Variants in SERPINB12 observed in about 807,000 individuals in gnomAD.
SERPINB12 encodes the protein serpin B12.
A neutral mutation model predicts 41.1 loss-of-function variants in SERPINB12; 57 were observed. The ratio of observed to expected loss-of-function variants is 1.39; its 90% CI spans 1.12 to 1.73. The LOEUF is 1.73. Ranked by LOEUF, SERPINB12 falls within the 40% of genes most tolerant of loss-of-function variation. The probability of loss-of-function intolerance (pLI) is 0.00; values close to 1 mark genes in which losing one functional copy is unlikely to be tolerated. For synonymous variants in SERPINB12, 180 were observed against 181.3 expected, an observed-to-expected ratio of 0.99 and a Z score of 0.06; for missense variants, 536 against 501.9, an observed-to-expected ratio of 1.07 and a Z score of -0.65.
At chr18:63,531,206 T>C in the SERPINB12 span, among the ~76,000 whole-genome samples, 5 of 152,170 alleles carry the variant, frequency 3.3e-5, no homozygotes, top group Non-Finnish European at 7.3e-5. Context: ...AGAGTTCACT[T>C]GGGTCATTTA....
chr18:63,540,627 T>G (rs1181807397), upstream of SERPINB12, among the ~76,000 whole-genome samples: 2 of 152,290 alleles, frequency 1.3e-5, no homozygotes, highest in East Asian at 3.9e-4. Flanking sequence ...AAATTCAACA[T>G]GATGCATTCA....
chr18:63,545,003 T>A (rs1180333103), intron 1 of SERPINB12, among the ~76,000 whole-genome samples: 1 of 152,152 alleles, frequency 6.6e-6, no homozygotes, highest in East Asian at 1.9e-4. Context: ...ATTAATCATA[T>A]CATTTTGCAT....
At chr18:63,534,648 A>G in the SERPINB12 span, among the ~76,000 whole-genome samples, 2 of 152,122 alleles carry the variant, frequency 1.3e-5, no homozygotes, top group Non-Finnish European at 2.9e-5. Flanking sequence ...GATGTTTAGG[A>G]GAAACCGGAT....
At position 63,550,811 on chromosome 18, in the gene SERPINB12, A is replaced by G. The variant is rs534922981; in HGVS notation, c.-18-5331A>G. 4.6e-5 allele frequency among the ~76,000 whole-genome samples: 7 copies of G among 152,160 alleles called. No individual in the cohort carries two copies. In the South Asian group the frequency reaches 1.5e-3, roughly 32 times the overall value. On this transcript the variant is annotated intron_variant, in intron 1 of 7. Transcript: ENST00000382768. ...AATCAGCAAACATTGTGAATCATGG[A>G]TTTTTGTTGACTTTTGTGTTTTGGG...
At chr18:63,542,591 T>C (rs1910295375) in intron 1 of SERPINB12, among the ~76,000 whole-genome samples, 99 bp downstream of exon 1, 1 of 152,194 alleles carries the variant, frequency 6.6e-6, no homozygotes, top group Non-Finnish European at 1.5e-5. Flanking sequence ...TCTTCATTCT[T>C]GGGATCAGAG....
In SERPINB12 at chr18:63,567,031, A is replaced by T; in HGVS notation, c.*20A>T. On this transcript the variant is annotated 3_prime_UTR_variant, in exon 8 of 8. Coordinates refer to ENST00000382768, the MANE Select transcript of SERPINB12 (RefSeq NM_001307928.2). ...CCTTAAAAGGGGAGCAGTGTCTAGT[A>T]CTTTGGAGCTGGAGGAAAATATCAA... is the stretch of plus-strand genomic sequence containing the variant. 1 of 1,530,506 alleles carries T rather than the reference A, an allele frequency of 6.5e-7. No individual in the cohort carries two copies. Among genetic ancestry groups the T allele is most frequent in the East Asian group, 2.3e-5 (1 of 44,098 alleles). 94.8% of individuals were successfully genotyped at this position (1,530,506 alleles called of 1,614,324 possible).
chr18:63,542,396 G>T lies in SERPINB12; in HGVS notation c.-115G>T, dbSNP rs1006697922. 2.0e-5 allele frequency among the ~76,000 whole-genome samples: 3 copies of T among 152,200 alleles called. No homozygotes were observed. Among genetic ancestry groups the T allele is most frequent in the African/African-American group, 7.2e-5 (3 of 41,458 alleles). Reference sequence around the variant, plus strand: ...CTCTCCTTATAAGTTTTCACAGGCTGTAGGACTTGCCTGGTTCCTCCTCTG... The same window carrying T: ...CTCTCCTTATAAGTTTTCACAGGCTTTAGGACTTGCCTGGTTCCTCCTCTG... On this transcript the variant is annotated 5_prime_UTR_variant, in exon 1 of 8. Coordinates refer to ENST00000382768, the MANE Select transcript of SERPINB12 (RefSeq NM_001307928.2).
At chr18:63,550,741 C>A (rs1472381623) in intron 1 of SERPINB12, among the ~76,000 whole-genome samples, 6 of 152,128 alleles carry the variant, frequency 3.9e-5, no homozygotes. Context: ...TGGTGTCTTG[C>A]TGGCAGTTTG....
At position 63,558,478 on chromosome 18, in the gene SERPINB12, G is replaced by C. The variant is rs760107446; in HGVS notation, c.295G>C (p.Asp99His). 2 of 1,610,434 alleles carry C rather than the reference G, an allele frequency of 1.2e-6. No homozygotes were observed. The highest frequency in any genetic ancestry group is 3.4e-5 in the Admixed American group (2 of 59,086). ...GCAGAAAAAAACGACAGAGCCTCTGGATCAGCAGGTGAACCGCCACCGTAG... is the reference window on the plus strand; with the variant it reads ...GCAGAAAAAAACGACAGAGCCTCTGCATCAGCAGGTGAACCGCCACCGTAG... ...EGQKKTTEPL[D>H]QQAGSLNNES... Residue 99 changes from aspartate (D) to histidine (H), a missense_variant, in exon 3 of 8, where the codon GAT becomes CAT. Transcript: ENST00000382768.
chr18:63,527,792 C>G, the SERPINB12 span, among the ~76,000 whole-genome samples: 1 of 152,054 alleles, frequency 6.6e-6, no homozygotes, highest in East Asian at 1.9e-4. Flanking sequence ...TAAAATTACT[C>G]AAGTAGAATC....
rs367886726 is a variant in SERPINB12, at chr18:63,561,219, G to A, written c.562+17G>A. 8 of 1,453,638 alleles carry A rather than the reference G, an allele frequency of 5.5e-6. No homozygotes were observed. The highest frequency in any genetic ancestry group is 7.7e-6 in the Non-Finnish European group (8 of 1,036,050). The allele number at this position is 1,453,638 out of a possible 1,614,324, so 90.0% of individuals were successfully genotyped here. A position where few individuals can be genotyped will look rare whatever the true frequency, so the allele number is the denominator to read the frequency against. On this transcript the variant is annotated intron_variant, in intron 5 of 7. Transcript: ENST00000382768. ...AATCCCAAGGTAAGAAAGCCCAAAA[G>A]CACGGGAGCTGGTATTGGTTTCCAT...
In SERPINB12 at chr18:63,565,619, C is replaced by G; in HGVS notation, c.873+7C>G. The G allele has an allele frequency of 6.2e-7, 1 of 1,604,944 alleles. No homozygotes were observed. The highest frequency in any genetic ancestry group is 2.2e-5 in the East Asian group (1 of 44,736). On this transcript the variant is annotated splice_region_variant and intron_variant, in intron 7 of 7. Transcript: ENST00000382768. ...CCTGAAGGGTCTGGAAGAGGTAAAT[C>G]TTCATTTCCACATCTCTACAAAATA...
At chr18:63,521,394 C>A in the SERPINB12 span, among the ~76,000 whole-genome samples, 1 of 152,184 alleles carries the variant, frequency 6.6e-6, no homozygotes, top group African/African-American at 2.4e-5. Context: ...CTGATCTGAT[C>A]CTCTGTTGGA....
At position 63,559,720 on chromosome 18, in the gene SERPINB12, T is replaced by A. The variant is rs766919135; in HGVS notation, c.444+2T>A. 6.2e-7 allele frequency: 1 copy of A among 1,613,924 alleles called. No homozygotes were observed. The highest frequency in any genetic ancestry group is 8.5e-7 in the Non-Finnish European group (1 of 1,179,902). Reference sequence around the variant, plus strand: ...GAGCAGGAATTCCCAATCTGTCAGGTGAGTTGCACACGAATGGTGACTAAA... The same window carrying A: ...GAGCAGGAATTCCCAATCTGTCAGGAGAGTTGCACACGAATGGTGACTAAA... On this transcript the variant is annotated splice_donor_variant, in intron 4 of 7. Coordinates refer to ENST00000382768, the MANE Select transcript of SERPINB12 (RefSeq NM_001307928.2). LOFTEE classifies it high-confidence loss of function.
At chr18:63,534,000 G>A in the SERPINB12 span, among the ~76,000 whole-genome samples, 1 of 152,174 alleles carries the variant, frequency 6.6e-6, no homozygotes, top group Non-Finnish European at 1.5e-5. Context: ...GTAGTTTTGG[G>A]ATGCACAAAC....
At chr18:63,538,464 T>C (rs1460463664), upstream of SERPINB12, among the ~76,000 whole-genome samples, 1 of 152,198 alleles carries the variant, frequency 6.6e-6, no homozygotes, top group African/African-American at 2.4e-5. Flanking sequence ...TGTGACTTGC[T>C]TCTTTCACTT....
the SERPINB12 span, among the ~76,000 whole-genome samples, chr18:63,525,269 C>T: frequency 5.3e-5 from 8 of 151,994 alleles, no homozygotes; most frequent in Non-Finnish European, 1.0e-4. Flanking sequence ...TTTTTCCCAT[C>T]GAAAATACAT....
chr18:63,567,750 A>G lies in SERPINB12; in HGVS notation c.*739A>G, dbSNP rs1911160568. Among the ~76,000 whole-genome samples, 1 of 152,192 alleles carries G rather than the reference A, an allele frequency of 6.6e-6. No homozygotes were observed. The highest frequency in any genetic ancestry group is 2.4e-5 in the African/African-American group (1 of 41,458). On this transcript the variant is annotated 3_prime_UTR_variant, in exon 8 of 8. Coordinates refer to ENST00000382768, the MANE Select transcript of SERPINB12 (RefSeq NM_001307928.2). ...AGTTTTCCTTATTGAGTCCCCCAAC[A>G]TTATCATCAAACACTTCCCTCTGTC...
At position 63,564,005 on chromosome 18, in the gene SERPINB12, A is replaced by G. The variant is rs754912449; in HGVS notation, c.590A>G (p.Asp197Gly). ...QGKIKELFSK[D>G]AINAETVLVL... The stretch of plus-strand genomic sequence containing the variant: ...AAAATCAAGGAACTCTTCAGCAAGG[A>G]CGCTATTAATGCTGAGACTGTGCTG... The change falls in exon 6 of 8, where the codon GAC becomes GGC. Residue 197 changes from aspartate (D) to glycine (G), a missense_variant. Coordinates refer to ENST00000382768, the MANE Select transcript of SERPINB12 (RefSeq NM_001307928.2). 6.2e-7 allele frequency: 1 copy of G among 1,612,762 alleles called. No individual in the cohort carries two copies. The highest frequency in any genetic ancestry group is 8.5e-7 in the Non-Finnish European group (1 of 1,179,544).
Sources: gnomAD v4.1 joint callset for allele counts (sites outside exome capture counted in the v4.1 genomes callset) on GRCh38, gnomAD v4.1.1 for gene constraint, MANE v1.5 for transcripts, NCBI Gene and HGNC (gene_info 2026-07-23, HGNC 2026-07-21) for gene names.